The following FMN2 variants were observed in gnomAD, a reference collection of about 807,000 sequenced individuals.
The protein encoded by FMN2 is formin-2.
Under a neutral mutation model 142.3 loss-of-function variants are expected in FMN2, and 51 were observed. The ratio of observed to expected loss-of-function variants is 0.36; its 90% confidence interval spans 0.29 to 0.45. The LOEUF (loss-of-function observed/expected upper bound fraction) is 0.45. Ranked by LOEUF, FMN2 falls within the 20% of genes least tolerant of loss-of-function variation. The pLI, the probability that FMN2 is intolerant of heterozygous loss-of-function variation, is 1.00. For missense variants in FMN2, 1,936 were observed against 2,122.8 expected (o/e 0.91, Z 1.73); for synonymous variants, 882 against 869.8 (o/e 1.01, Z -0.25).
At chr1:240,353,671 G>T (rs148939832) in intron 13 of FMN2, among the ~76,000 whole-genome samples, 56 of 152,282 alleles carry the variant, frequency 3.7e-4, no homozygotes, top group African/African-American at 1.3e-3. Context: ...TCTCTTTGTA[G>T]TTCATTTTTC....
intron 2 of FMN2, among the ~76,000 whole-genome samples, chr1:240,129,089 G>T (rs1662631652): frequency 6.6e-6 from 1 of 152,030 alleles, no homozygotes; most frequent in Admixed American, 6.6e-5. Context: ...GGCCACCCTG[G>T]TCTTGAACTC....
At chr1:240,143,662 T>C in intron 2 of FMN2, 1 of 1,610,016 alleles carries the variant, frequency 6.2e-7, no homozygotes, top group Admixed American at 1.7e-5. Context: ...CAGGATTGCC[T>C]CGATGGCCTC....
intron 13 of FMN2, among the ~76,000 whole-genome samples, chr1:240,344,921 C>A (rs1671858514): frequency 6.6e-6 from 1 of 152,162 alleles, no homozygotes; most frequent in African/African-American, 2.4e-5. Flanking sequence ...AATGCAAAGC[C>A]ATGAGATTCT....
chr1:240,176,165 G>T (rs532158422), intron 2 of FMN2, among the ~76,000 whole-genome samples: 3 of 152,076 alleles, frequency 2.0e-5, no homozygotes, highest in Non-Finnish European at 2.9e-5. Flanking sequence ...GTATGTTTTC[G>T]TCTAAGAGTT....
chr1:240,268,859 C>T (rs1668899643), intron 7 of FMN2, among the ~76,000 whole-genome samples: 2 of 151,964 alleles, frequency 1.3e-5, no homozygotes, highest in Admixed American at 1.3e-4. Context: ...TGAGAAATGT[C>T]TGTTCAGATC....
At chr1:240,267,525 A>G (rs1268251698) in intron 7 of FMN2, among the ~76,000 whole-genome samples, 1 of 151,902 alleles carries the variant, frequency 6.6e-6, no homozygotes, top group Non-Finnish European at 1.5e-5. Flanking sequence ...GGGAAAAATA[A>G]CTAATGGGTA....
rs535244370 is a variant in FMN2 at position 240,253,677 on chromosome 1, G to C, written c.4066-4268G>C. Among the ~76,000 whole-genome samples the C allele has an allele frequency of 1.8e-4, 27 of 152,076 alleles. 1 individual carries two copies. The highest frequency in any genetic ancestry group is 3.7e-4 in the Non-Finnish European group (25 of 67,998). ...AATATCTCTTTGTTTTATGTTTATT[G>C]TTTATTTACATTGATATTTGTGCAT... On this transcript the variant is annotated intron_variant, in intron 6 of 17. Transcript: ENST00000319653.
intron 2 of FMN2, chr1:240,145,334 T>A: frequency 1.0e-6 from 1 of 970,346 alleles, no homozygotes; most frequent in Non-Finnish European, 1.5e-6. Flanking sequence ...TGGGGGCTGC[T>A]GGGACTGCAC....
chr1:240,136,354 A>C (rs996974731), intron 2 of FMN2, among the ~76,000 whole-genome samples: 30 of 152,214 alleles, frequency 2.0e-4, no homozygotes, highest in African/African-American at 7.2e-4. Flanking sequence ...AAGTGCTACC[A>C]GTCAGTAGTT....
Position 240,413,120 on chromosome 1 carries a change from C to CAA in FMN2, c.4910+20586_4910+20587dup, listed in dbSNP as rs35590068. Among the ~76,000 whole-genome samples, 107 of 24,590 alleles carry CAA rather than the reference C, an allele frequency of 4.4e-3. 12 individuals carry two copies. Among genetic ancestry groups the CAA allele is most frequent in the East Asian group, 9.8e-3 (3 of 306 alleles). 16.1% of individuals were successfully genotyped at this position (24,590 alleles called of 152,430 possible). ...CCTGGGCGACAAAGCGAGACTCTGT[C>CAA]AAAAAAAAAAAAAAAAAAAAAAAAA... On this transcript the variant is annotated intron_variant, in intron 15 of 17. Coordinates refer to ENST00000319653, the MANE Select transcript of FMN2 (RefSeq NM_020066.5).
At chr1:240,293,439 C>G (rs938644848) in intron 7 of FMN2, among the ~76,000 whole-genome samples, 7 of 152,136 alleles carry the variant, frequency 4.6e-5, no homozygotes, top group African/African-American at 1.4e-4. Flanking sequence ...AAGAGCTAGA[C>G]TCTGCACAAA....
chr1:240,467,588 A>G lies in FMN2; in HGVS notation c.5061-4784A>G, dbSNP rs558304836. ...GCCTTCCATTTCTTTAAGAGAGAGA[A>G]AAGTTTAATTTGTTTCAAGAAAGAC... On this transcript the variant is annotated intron_variant, in intron 16 of 17. Coordinates refer to ENST00000319653, the MANE Select transcript of FMN2 (RefSeq NM_020066.5). Among the ~76,000 whole-genome samples, 18 of 152,258 alleles carry G rather than the reference A, an allele frequency of 1.2e-4. No individual in the cohort carries two copies. In the South Asian group the frequency reaches 3.1e-3, roughly 26 times the overall value.
At chr1:240,125,899 A>G (rs1662478865) in intron 2 of FMN2, among the ~76,000 whole-genome samples, 2 of 152,158 alleles carry the variant, frequency 1.3e-5, no homozygotes. Flanking sequence ...GTGTGAAGGC[A>G]TTTCCTCAGA....
chr1:240,207,707 C>A lies in FMN2; in HGVS notation c.2895C>A (p.Pro965=). The change falls in exon 5 of 18, where the codon CCC becomes CCA. Residue 965 remains proline (P), a synonymous_variant. Coordinates refer to ENST00000319653, the MANE Select transcript of FMN2 (RefSeq NM_020066.5). ...PPPPLPGAGI[P]LPPPLPGAGI... is the part of the protein sequence containing the mutation. ...CCCCTCTTCCCGGGGCAGGCATACCCCTTCCTCCCCCTCTTCCCGGAGCAG... is the reference window on the plus strand; with the variant it reads ...CCCCTCTTCCCGGGGCAGGCATACCACTTCCTCCCCCTCTTCCCGGAGCAG... 4.9e-6 allele frequency: 7 copies of A among 1,433,222 alleles called. No individual in the cohort carries two copies. The highest frequency in any genetic ancestry group is 4.6e-5 in the African/African-American group (3 of 65,638). The allele number at this position is 1,433,222 out of a possible 1,614,324, so 88.8% of individuals were successfully genotyped here. A position where few individuals can be genotyped will look rare whatever the true frequency, so the allele number is the denominator to read the frequency against.
intron 2 of FMN2, among the ~76,000 whole-genome samples, chr1:240,124,675 CT>C (rs967840507): frequency 3.5e-4 from 52 of 148,984 alleles, no homozygotes; most frequent in Admixed American, 1.3e-3. Context: ...AATGATTTTT[CT>C]TTTTTTTTTG....
chr1:240,384,022 A>G (rs1673318687), intron 14 of FMN2, among the ~76,000 whole-genome samples: 1 of 152,136 alleles, frequency 6.6e-6, no homozygotes, highest in African/African-American at 2.4e-5. Context: ...GCTGAAGGCT[A>G]TTATCCTAAG....
intron 14 of FMN2, among the ~76,000 whole-genome samples, chr1:240,362,293 C>G (rs1259045859): frequency 6.6e-6 from 1 of 152,066 alleles, no homozygotes; most frequent in Non-Finnish European, 1.5e-5. Flanking sequence ...TTTTCTGTCG[C>G]AAAACCAACA....
intron 2 of FMN2, among the ~76,000 whole-genome samples, chr1:240,134,663 A>G (rs994337277): frequency 6.6e-6 from 1 of 152,084 alleles, no homozygotes; most frequent in Non-Finnish European, 1.5e-5. Flanking sequence ...GACAGAGAGA[A>G]AAAAGAAAAC....
At chr1:240,297,553 A>T (rs1174820183) in intron 8 of FMN2, among the ~76,000 whole-genome samples, 1 of 145,526 alleles carries the variant, frequency 6.9e-6, no homozygotes, top group Admixed American at 7.2e-5. Flanking sequence ...CCGAGATTGC[A>T]TCACTGCACT....
Sources: allele counts gnomAD v4.1 joint callset (sites outside exome capture counted in the v4.1 genomes callset), GRCh38; gene constraint gnomAD v4.1.1; transcripts MANE v1.5; gene names NCBI Gene and HGNC (gene_info 2026-07-23, HGNC 2026-07-21).